Variants in JADE1 observed in about 807,000 individuals in gnomAD.
JADE1 encodes jade family PHD finger 1, also known as protein Jade-1.
JADE1 carries 14 observed loss-of-function variants against 81.8 expected under a neutral mutation model. The observed-to-expected ratio is 0.17, with a 90% confidence interval of 0.11 to 0.27. The LOEUF (loss-of-function observed/expected upper bound fraction) is 0.27, where lower values mean the gene tolerates loss of function less well. Ranked by LOEUF, JADE1 falls within the 10% of genes least tolerant of loss-of-function variation. JADE1 has a pLI of 1.00. For synonymous variants in JADE1, 353 were observed against 391.9 expected (o/e 0.90, Z 1.17); for missense variants, 690 against 1,047.9 (o/e 0.66, Z 4.71).
rs750463051 is a variant in JADE1 at position 128,846,684 on chromosome 4, A to G, written c.296+152A>G. ...AGGCCTCAAGTGGAAATAGAAATTCAGGAGCAACATACTTCAGGCATACAG... is the reference window on the plus strand; with the variant it reads ...AGGCCTCAAGTGGAAATAGAAATTCGGGAGCAACATACTTCAGGCATACAG... On this transcript the variant is annotated intron_variant, in intron 4 of 10. Transcript: ENST00000226319. The surrounding 1 kb of genome is among the most constrained non-coding windows in gnomAD (Gnocchi z 4.0). 2.7e-5 allele frequency: 22 copies of G among 812,370 alleles called. No individual in the cohort carries two copies. Among genetic ancestry groups the G allele is most frequent in the Non-Finnish European group, 3.8e-5 (20 of 528,522 alleles). The allele number at this position is 812,370 out of a possible 1,614,324, so 50.3% of individuals were successfully genotyped here.
Position 128,872,134 on chromosome 4 carries a change from G to A in JADE1, c.2401G>A (p.Asp801Asn). 6.2e-7 allele frequency: 1 copy of A among 1,614,186 alleles called. No homozygotes were observed. Among genetic ancestry groups the A allele is most frequent in the East Asian group, 2.2e-5 (1 of 44,856 alleles). ...CAAATTAAAATCCGACAATGAGAAT[G>A]ACGGGTATGTCCCCGATGTGGAAAT... ...KSKLKSDNEN[D>N]GYVPDVEMSD... The change falls in exon 11 of 11, where the codon GAC (aspartate) becomes AAC (asparagine). Residue 801 changes from aspartate (D) to asparagine (N), a missense_variant. Asp to Asn is a conservative substitution (Grantham distance 23). Around this residue, in one of 8 missense-constraint regions of JADE1, gnomAD observed 218 missense variants for 274.3 expected, o/e 0.79. Transcript: ENST00000226319.
In JADE1 at chr4:128,872,653, G is replaced by A; in HGVS notation, c.*391G>A. On this transcript the variant is annotated 3_prime_UTR_variant, in exon 11 of 11. Coordinates refer to ENST00000226319, the MANE Select transcript of JADE1 (RefSeq NM_199320.4). ...ATAGGGAACCAGATATGGTTCTTGA[G>A]AAACCCTCATGGTACCATTCACAGC... The A allele has an allele frequency of 4.0e-6, 1 of 251,544 alleles. No individual in the cohort carries two copies. Among genetic ancestry groups the A allele is most frequent in the Non-Finnish European group, 8.0e-6 (1 of 124,864 alleles). 15.6% of individuals were successfully genotyped at this position (251,544 alleles called of 1,614,324 possible).
intron 6 of JADE1, among the ~76,000 whole-genome samples, chr4:128,853,520 G>T (rs1278691107): frequency 6.6e-6 from 1 of 152,148 alleles, no homozygotes; most frequent in Admixed American, 6.5e-5. Flanking sequence ...GAGGATGGGC[G>T]CTAGGTAACT....
At chr4:128,856,115 G>A (rs965009178) in intron 7 of JADE1, among the ~76,000 whole-genome samples, 1 of 152,144 alleles carries the variant, frequency 6.6e-6, no homozygotes, top group Non-Finnish European at 1.5e-5. Context: ...CACTGTGCCT[G>A]GTCAAGCATG....
At chr4:128,850,071 A>G (rs1489184483) in intron 5 of JADE1, among the ~76,000 whole-genome samples, 4 of 152,166 alleles carry the variant, frequency 2.6e-5, no homozygotes, top group African/African-American at 9.7e-5. Context: ...AGGTGGGCAG[A>G]TCACCTGAGG....
At chr4:128,811,952 G>T (rs1350344091) in intron 1 of JADE1, 1 of 151,954 alleles carries the variant, frequency 6.6e-6, no homozygotes, top group Non-Finnish European at 1.5e-5. Flanking sequence ...GTTTCTCGCC[G>T]GCGCGCCCGC....
At chr4:128,845,180 G>C (rs946184590) in intron 3 of JADE1, among the ~76,000 whole-genome samples, 1 of 152,210 alleles carries the variant, frequency 6.6e-6, no homozygotes, top group Non-Finnish European at 1.5e-5. Flanking sequence ...GTGCAGCCCT[G>C]GCTGGGAGGC....
intron 1 of JADE1, among the ~76,000 whole-genome samples, chr4:128,824,179 G>A (rs1019089978): frequency 6.6e-6 from 1 of 152,170 alleles, no homozygotes; most frequent in Non-Finnish European, 1.5e-5. Context: ...AGCACTTTGG[G>A]AGGCCGAGGC....
intron 2 of JADE1, among the ~76,000 whole-genome samples, chr4:128,833,571 T>C (rs1728726142): frequency 6.6e-6 from 1 of 152,112 alleles, no homozygotes; most frequent in Non-Finnish European, 1.5e-5. Context: ...GGTGTGTGCC[T>C]GTAGTCCAGC....
chr4:128,861,603 C>G (rs183990156), intron 8 of JADE1, 101 bp from the exon 9 acceptor site: 1 of 1,291,278 alleles, frequency 7.7e-7, no homozygotes, highest in East Asian at 2.3e-5. Context: ...AAGCATGGCT[C>G]TTCTCTGTGC....
chr4:128,831,461 A>G lies in JADE1; in HGVS notation c.-26-272A>G, dbSNP rs145267840. 242 of 424,168 alleles carry G rather than the reference A, an allele frequency of 5.7e-4. 1 individual carries two copies. The highest frequency in any genetic ancestry group is 4.5e-3 in the African/African-American group (221 of 49,432). 26.3% of individuals were successfully genotyped at this position (424,168 alleles called of 1,614,324 possible). On this transcript the variant is annotated intron_variant, in intron 1 of 10. Transcript: ENST00000226319. ...AAAGATTCCTGGAGTAGTTATAGTA[A>G]TAATGTCACAGGAATATAGAAAGAA...
At chr4:128,826,645 C>G (rs1212850908) in intron 1 of JADE1, among the ~76,000 whole-genome samples, 3 of 151,730 alleles carry the variant, frequency 2.0e-5, no homozygotes, top group African/African-American at 7.3e-5. Context: ...AGATAATATG[C>G]CTGCCTCGGC....
intron 4 of JADE1, among the ~76,000 whole-genome samples, chr4:128,847,247 C>T (rs533366581): frequency 1.8e-4 from 27 of 152,346 alleles, no homozygotes; most frequent in African/African-American, 6.0e-4. Flanking sequence ...TGTGCTCAGC[C>T]GGCACCTGGC....
intron 1 of JADE1, chr4:128,816,363 G>A (rs1182264958): frequency 6.6e-6 from 1 of 151,562 alleles, no homozygotes; most frequent in African/African-American, 2.4e-5. Context: ...TTCTTTTTTT[G>A]CAGTTCATAG....
chr4:128,871,347 G>A lies in JADE1; in HGVS notation c.1622-8G>A, dbSNP rs374399238. ...AATTTTTCTTTATTTGTGGTTTTATGTTTATAGGTGTGCCTTCTTCCTGCT... is the reference window on the plus strand; with the variant it reads ...AATTTTTCTTTATTTGTGGTTTTATATTTATAGGTGTGCCTTCTTCCTGCT... On this transcript the variant is annotated splice_polypyrimidine_tract_variant and splice_region_variant and intron_variant, in intron 10 of 10. Coordinates refer to ENST00000226319, the MANE Select transcript of JADE1 (RefSeq NM_199320.4). This position sits in a 1 kb window ranked among gnomAD's most constrained non-coding sequence, Gnocchi z 4.1. The A allele has an allele frequency of 1.1e-5, 18 of 1,608,308 alleles. No homozygotes were observed. In the South Asian group the frequency reaches 2.0e-4, roughly 18 times the overall value.
chr4:128,869,983 G>A (rs533883379), intron 10 of JADE1, among the ~76,000 whole-genome samples: 5 of 152,230 alleles, frequency 3.3e-5, no homozygotes, highest in Admixed American at 2.0e-4. Flanking sequence ...GATTCTGAGA[G>A]TGGGTAGGGT....
intron 9 of JADE1, 32 bp downstream of exon 9, chr4:128,862,257 T>G: frequency 6.2e-7 from 1 of 1,612,600 alleles, no homozygotes; most frequent in East Asian, 2.2e-5. Flanking sequence ...TTATAGTGAC[T>G]TAGAGAAGAA....
chr4:128,819,739 A>G (rs1727385609), intron 1 of JADE1, among the ~76,000 whole-genome samples: 1 of 152,236 alleles, frequency 6.6e-6, no homozygotes, highest in South Asian at 2.1e-4. Context: ...TTTCAAGTTA[A>G]CAGACTGTTG....
At chr4:128,812,392 C>T (rs996216406) in intron 1 of JADE1, among the ~76,000 whole-genome samples, 2 of 151,784 alleles carry the variant, frequency 1.3e-5, no homozygotes, top group Non-Finnish European at 2.9e-5. Flanking sequence ...GCGGGAGCCG[C>T]GCGGAGCGTT....
Sources: gnomAD v4.1 joint callset for allele counts (sites outside exome capture counted in the v4.1 genomes callset) on GRCh38, gnomAD v4.1.1 for gene constraint, gnomAD v4.1.1 regional missense constraint, Gnocchi (gnomAD v3.1) non-coding constraint, MANE v1.5 for transcripts, NCBI Gene and HGNC (gene_info 2026-07-23, HGNC 2026-07-21) for gene names.